SLC25A16: variants seen among roughly 807,000 people sequenced by gnomAD.
SLC25A16 encodes mitochondrial coenzyme A transporter SLC25A16.
SLC25A16 carries 39 observed loss-of-function variants against 41.5 expected under a neutral mutation model. The ratio of observed to expected loss-of-function variants is 0.94; its 90% CI spans 0.73 to 1.23. The LOEUF is 1.23. Ranked by LOEUF, SLC25A16 falls within the 50% of genes most tolerant of loss-of-function variation. The pLI is 0.00. For synonymous variants in SLC25A16, 146 were observed against 147.8 expected, an observed-to-expected ratio of 0.99 and a Z score of 0.09; for missense variants, 421 against 426.9, an observed-to-expected ratio of 0.99 and a Z score of 0.12.
chr10:68,499,173 C>G (rs776556754), intron 4 of SLC25A16, among the ~76,000 whole-genome samples: 6 of 151,934 alleles, frequency 3.9e-5, no homozygotes, highest in Non-Finnish European at 7.4e-5. Flanking sequence ...AACATACAGG[C>G]AAGTTACAGA....
At chr10:68,527,184 C>T (rs1439635059) in intron 1 of SLC25A16, 62 bp downstream of exon 1, 44 of 1,512,870 alleles carry the variant, frequency 2.9e-5, no homozygotes, top group Non-Finnish European at 3.6e-5. Flanking sequence ...TTGCATCCCA[C>T]TTGCCCACAG....
intron 2 of SLC25A16, among the ~76,000 whole-genome samples, chr10:68,508,667 G>GAA (rs1564922311): frequency 6.6e-6 from 1 of 151,674 alleles, no homozygotes; most frequent in Non-Finnish European, 1.5e-5. Flanking sequence ...GCAGTGAGCC[G>GAA]AGATTGTGCC....
intron 2 of SLC25A16, among the ~76,000 whole-genome samples, chr10:68,515,343 G>A (rs1476896675): frequency 8.3e-6 from 1 of 120,194 alleles, no homozygotes; most frequent in Non-Finnish European, 1.7e-5. Context: ...GGCCACAAGA[G>A]CAAACTCCAT....
chr10:68,509,743 CTA>C (rs199603840), intron 2 of SLC25A16, among the ~76,000 whole-genome samples: 2 of 144,664 alleles, frequency 1.4e-5, no homozygotes, highest in Admixed American at 7.0e-5. Context: ...ATATATATAT[CTA>C]TATATATAGA....
At chr10:68,501,751 C>T (rs2052849440) in intron 4 of SLC25A16, among the ~76,000 whole-genome samples, 1 of 151,986 alleles carries the variant, frequency 6.6e-6, no homozygotes, top group African/African-American at 2.4e-5. Flanking sequence ...AAGACTCCAT[C>T]TCTAAAATAA....
chr10:68,499,485 C>A (rs989037167), intron 4 of SLC25A16: 4 of 164,896 alleles, frequency 2.4e-5, no homozygotes, highest in Non-Finnish European at 5.3e-5. Flanking sequence ...AAAATACAAA[C>A]CCTTCTCTTC....
intron 8 of SLC25A16, among the ~76,000 whole-genome samples, chr10:68,483,800 T>C (rs527490418): frequency 6.6e-6 from 1 of 152,028 alleles, no homozygotes; most frequent in Non-Finnish European, 1.5e-5. Flanking sequence ...GTAGCTGGGA[T>C]TACAGGCACG....
chr10:68,487,201 T>A lies in SLC25A16; in HGVS notation c.785A>T (p.Asp262Val). Residue 262 changes from aspartate (D) to valine (V), a missense_variant, in exon 8 of 9, where the codon GAT (aspartate) becomes GTT (valine). Coordinates refer to ENST00000609923, the MANE Select transcript of SLC25A16 (RefSeq NM_152707.4). ...AIAQTISYPF[D>V]VTRRRMQLGT... ...TAATTGCATTCGCCGACGAGTCACATCAAATGGGTAGCTAAAAGAAGAAAA... is the reference window on the plus strand; with the variant it reads ...TAATTGCATTCGCCGACGAGTCACAACAAATGGGTAGCTAAAAGAAGAAAA... 6.2e-7 allele frequency: 1 copy of A among 1,613,510 alleles called. No individual in the cohort carries two copies. Among genetic ancestry groups the A allele is most frequent in the Non-Finnish European group, 8.5e-7 (1 of 1,179,752 alleles).
At chr10:68,508,346 C>T (rs1197784501) in intron 2 of SLC25A16, among the ~76,000 whole-genome samples, 1 of 143,806 alleles carries the variant, frequency 7.0e-6, no homozygotes, top group Non-Finnish European at 1.5e-5. Flanking sequence ...ATAAAACTGT[C>T]AATTCATCGA....
At position 68,480,827 on chromosome 10, in the gene SLC25A16, A is replaced by T. The variant is rs1481406398; in HGVS notation, c.*2605T>A. ...TTATTTTATATACTTAAATTATCTT[A>T]ACATTTAATAACAATAATTAGCTAC... On this transcript the variant is annotated 3_prime_UTR_variant, in exon 9 of 9. Coordinates refer to ENST00000609923, the MANE Select transcript of SLC25A16 (RefSeq NM_152707.4). The T allele has an allele frequency of 1.3e-5, 2 of 150,774 alleles. No individual in the cohort carries two copies. Among genetic ancestry groups the T allele is most frequent in the African/African-American group, 2.4e-5 (1 of 41,064 alleles). 9.3% of individuals were successfully genotyped at this position (150,774 alleles called of 1,614,324 possible).
intron 6 of SLC25A16, among the ~76,000 whole-genome samples, chr10:68,492,204 C>T (rs1392576027): frequency 6.6e-6 from 1 of 152,150 alleles, no homozygotes; most frequent in Non-Finnish European, 1.5e-5. Flanking sequence ...TTCTTCCTGT[C>T]CCCAACTTAC....
chr10:68,523,956 C>T (rs899129002), intron 1 of SLC25A16, among the ~76,000 whole-genome samples: 4 of 151,424 alleles, frequency 2.6e-5, no homozygotes, highest in African/African-American at 9.7e-5. Context: ...AAAATTAGGG[C>T]CAGGCACAGT....
chr10:68,518,805 A>AT (rs1564929114), intron 1 of SLC25A16, among the ~76,000 whole-genome samples: 17 of 125,734 alleles, frequency 1.4e-4, no homozygotes, highest in African/African-American at 5.0e-4. Context: ...AAATAAATAA[A>AT]TAAATTAAAT....
At chr10:68,485,746 C>T (rs1392719087) in intron 8 of SLC25A16, among the ~76,000 whole-genome samples, 1 of 151,260 alleles carries the variant, frequency 6.6e-6, no homozygotes, top group Non-Finnish European at 1.5e-5. Flanking sequence ...GCCATCTCAG[C>T]TCTTTGCCTC....
At chr10:68,484,150 T>C (rs1361263312) in intron 8 of SLC25A16, among the ~76,000 whole-genome samples, 1 of 152,252 alleles carries the variant, frequency 6.6e-6, no homozygotes, top group East Asian at 1.9e-4. Context: ...CTATGACATT[T>C]ACTGGACAAC....
chr10:68,515,780 A>G (rs1017957632), intron 2 of SLC25A16, among the ~76,000 whole-genome samples: 8 of 151,962 alleles, frequency 5.3e-5, no homozygotes, highest in Admixed American at 4.6e-4. Context: ...CCTGGGCAAC[A>G]AGAGCGAAAC....
intron 4 of SLC25A16, among the ~76,000 whole-genome samples, chr10:68,499,322 G>A (rs2052801562): frequency 6.6e-6 from 1 of 152,202 alleles, no homozygotes; most frequent in Admixed American, 6.6e-5. Flanking sequence ...AGCACAACAA[G>A]CGGAACTCAG....
chr10:68,514,760 G>A (rs923068082), intron 2 of SLC25A16, among the ~76,000 whole-genome samples: 1 of 150,846 alleles, frequency 6.6e-6, no homozygotes, highest in Admixed American at 6.6e-5. Context: ...TTTTTCAGAC[G>A]AAGTCTCGCT....
intron 8 of SLC25A16, among the ~76,000 whole-genome samples, chr10:68,486,854 G>A (rs1217262798): frequency 3.4e-5 from 5 of 147,584 alleles, no homozygotes; most frequent in African/African-American, 1.3e-4. Context: ...CTGCTTGGAA[G>A]ACCGAGGCAA....
Sources: gnomAD v4.1 joint callset for allele counts (sites outside exome capture counted in the v4.1 genomes callset) on GRCh38, gnomAD v4.1.1 for gene constraint, MANE v1.5 for transcripts, NCBI Gene and HGNC (gene_info 2026-07-23, HGNC 2026-07-21) for gene names.